SLC7A2: variants seen among roughly 807,000 people sequenced by gnomAD.
SLC7A2 encodes cationic amino acid transporter 2.
SLC7A2 carries 48 observed loss-of-function variants against 58.9 expected under a neutral mutation model. The observed-to-expected ratio is 0.82, with a 90% CI of 0.65 to 1.04. The LOEUF (loss-of-function observed/expected upper bound fraction) is 1.04. SLC7A2 is among the 50% of genes least tolerant of loss of function. SLC7A2 has a pLI of 0.00. For synonymous variants in SLC7A2, 363 were observed against 314.5 expected, an observed-to-expected ratio of 1.15 and a Z score of -1.63; for missense variants, 1,029 against 818.8, an observed-to-expected ratio of 1.26 and a Z score of -3.13.
intron 2 of SLC7A2, among the ~76,000 whole-genome samples, chr8:17,507,251 G>C (rs1426155441): frequency 6.6e-6 from 1 of 152,036 alleles, no homozygotes; most frequent in Non-Finnish European, 1.5e-5. Flanking sequence ...GGCCTATGTG[G>C]AATTTTTAAA....
At chr8:17,520,997 T>G (rs948792344) in intron 2 of SLC7A2, among the ~76,000 whole-genome samples, 1 of 152,168 alleles carries the variant, frequency 6.6e-6, no homozygotes, top group Non-Finnish European at 1.5e-5. Flanking sequence ...GGCTTAGTAT[T>G]TTTTAGATGA....
Position 17,563,595 on chromosome 8 carries a change from C to T in SLC7A2, c.1672-8C>T. 1.3e-6 allele frequency: 2 copies of T among 1,541,324 alleles called. No individual in the cohort carries two copies. The highest frequency in any genetic ancestry group is 1.8e-6 in the Non-Finnish European group (2 of 1,118,784). ...GAGTATGTTCAAAAGGATTGTTTTC[C>T]CCCTCAGGTTCCATTCTTACCATTT... On this transcript the variant is annotated splice_polypyrimidine_tract_variant and splice_region_variant and intron_variant, in intron 11 of 12. Coordinates refer to ENST00000494857, the MANE Select transcript of SLC7A2 (RefSeq NM_001370338.1).
intron 2 of SLC7A2, among the ~76,000 whole-genome samples, chr8:17,534,258 A>T (rs1176111877): frequency 6.6e-6 from 1 of 152,148 alleles, no homozygotes; most frequent in African/African-American, 2.4e-5. Context: ...GCTCTAATTT[A>T]TGTGGACAGT....
Position 17,557,739 on chromosome 8 carries a change from A to G in SLC7A2, c.1196-556A>G, listed in dbSNP as rs535870023. ...GCTACTCGGCAGGCTGAGATATGAC[A>G]ATCGCTTGGACCAGGGGGGTGGAGA... On this transcript the variant is annotated intron_variant, in intron 8 of 12. Transcript: ENST00000494857. Among the ~76,000 whole-genome samples the G allele has an allele frequency of 1.2e-4, 18 of 152,252 alleles. 1 individual carries two copies. In the South Asian group the frequency reaches 3.5e-3, roughly 30 times the overall value.
At chr8:17,547,441 G>A (rs1338752141) in intron 4 of SLC7A2, among the ~76,000 whole-genome samples, 1 of 151,514 alleles carries the variant, frequency 6.6e-6, no homozygotes, top group African/African-American at 2.4e-5. Context: ...ATTTGGGTGG[G>A]GACACAGCCA....
At chr8:17,553,341 A>G (rs1316883669) in intron 7 of SLC7A2, among the ~76,000 whole-genome samples, 3 of 152,128 alleles carry the variant, frequency 2.0e-5, no homozygotes, top group Non-Finnish European at 4.4e-5. Flanking sequence ...ATGAGCCACC[A>G]CACCCGGCCT....
chr8:17,539,819 C>A (rs772639568), intron 2 of SLC7A2, among the ~76,000 whole-genome samples: 6 of 152,144 alleles, frequency 3.9e-5, no homozygotes, highest in Non-Finnish European at 7.4e-5. Flanking sequence ...CTCCAAAACC[C>A]CTGCATTGTA....
intron 2 of SLC7A2, among the ~76,000 whole-genome samples, chr8:17,516,732 C>T (rs1416646175): frequency 6.6e-6 from 1 of 152,202 alleles, no homozygotes; most frequent in Non-Finnish European, 1.5e-5. Flanking sequence ...CCCCTCACCC[C>T]ATCCAGTTGA....
chr8:17,552,956 G>A (rs2150759241), intron 7 of SLC7A2, among the ~76,000 whole-genome samples: 1 of 152,264 alleles, frequency 6.6e-6, no homozygotes, highest in East Asian at 1.9e-4. Flanking sequence ...CACCAGCCTA[G>A]CTTTATTTTT....
chr8:17,562,670 T>A (rs1803075680), intron 11 of SLC7A2, among the ~76,000 whole-genome samples: 2 of 152,210 alleles, frequency 1.3e-5, no homozygotes, highest in African/African-American at 4.8e-5. Flanking sequence ...GAATTCCTTC[T>A]ACATTGGTCC....
intron 2 of SLC7A2, among the ~76,000 whole-genome samples, chr8:17,538,538 A>C (rs946526618): frequency 6.6e-6 from 1 of 152,216 alleles, no homozygotes; most frequent in African/African-American, 2.4e-5. Flanking sequence ...TAAAGAAATT[A>C]ATCTCTCAAA....
intron 2 of SLC7A2, among the ~76,000 whole-genome samples, chr8:17,510,229 A>T (rs1175662447): frequency 6.7e-6 from 1 of 149,276 alleles, no homozygotes; most frequent in Non-Finnish European, 1.5e-5. Flanking sequence ...CAAAATAAAC[A>T]AATAATAATA....
At chr8:17,561,384 AG>A (rs1165330348) in intron 10 of SLC7A2, among the ~76,000 whole-genome samples, 1 of 152,208 alleles carries the variant, frequency 6.6e-6, no homozygotes, top group Admixed American at 6.5e-5. Flanking sequence ...GTTTCTCCTT[AG>A]AAAACCATCA....
At chr8:17,496,713 T>C (rs983276699), upstream of SLC7A2, among the ~76,000 whole-genome samples, 2 of 152,200 alleles carry the variant, frequency 1.3e-5, no homozygotes, top group African/African-American at 4.8e-5. Context: ...TTCCAAAATC[T>C]TTGTAGAATG....
intron 4 of SLC7A2, among the ~76,000 whole-genome samples, chr8:17,545,643 CT>C (rs1418066843): frequency 6.6e-5 from 10 of 152,130 alleles, no homozygotes; most frequent in South Asian, 4.2e-4. Flanking sequence ...AGTGATCCCC[CT>C]GCCTCAGCCT....
At chr8:17,548,903 T>A (rs1802308717) in intron 5 of SLC7A2, 60 bp downstream of exon 5, 1 of 1,390,882 alleles carries the variant, frequency 7.2e-7, no homozygotes, top group South Asian at 1.3e-5. Context: ...TTTAAGTGGG[T>A]GTATTAGTTC....
upstream of SLC7A2, among the ~76,000 whole-genome samples, chr8:17,494,168 G>A (rs1799908275): frequency 6.6e-6 from 1 of 152,188 alleles, no homozygotes. Flanking sequence ...ATTAGAACTA[G>A]TAAGAATCCA....
Position 17,563,583 on chromosome 8 carries a change from A to G in SLC7A2, c.1672-20A>G. 6.9e-7 allele frequency: 1 copy of G among 1,457,872 alleles called. No individual in the cohort carries two copies. Among genetic ancestry groups the G allele is most frequent in the Non-Finnish European group, 9.6e-7 (1 of 1,043,906 alleles). The allele number at this position is 1,457,872 out of a possible 1,614,324, so 90.3% of individuals were successfully genotyped here. On this transcript the variant is annotated intron_variant, in intron 11 of 12. Transcript: ENST00000494857. Reference sequence around the variant, plus strand: ...GCTTCAAAATATGAGTATGTTCAAAAGGATTGTTTTCCCCCTCAGGTTCCA... The same window carrying G: ...GCTTCAAAATATGAGTATGTTCAAAGGGATTGTTTTCCCCCTCAGGTTCCA...
upstream of SLC7A2, among the ~76,000 whole-genome samples, chr8:17,495,371 T>G (rs1368535949): frequency 6.6e-6 from 1 of 152,194 alleles, no homozygotes; most frequent in East Asian, 1.9e-4. Context: ...AGGAGGAATC[T>G]GGTGTTAAAA....
Sources: gnomAD v4.1 joint callset for allele counts (sites outside exome capture counted in the v4.1 genomes callset) on GRCh38, gnomAD v4.1.1 for gene constraint, MANE v1.5 for transcripts, NCBI Gene and HGNC (gene_info 2026-07-23, HGNC 2026-07-21) for gene names.